Variants in CASZ1 observed in about 807,000 individuals in gnomAD.
CASZ1 encodes zinc finger protein castor homolog 1.
Under a neutral mutation model 135.2 loss-of-function variants are expected in CASZ1, and 28 were observed. The observed-to-expected ratio is 0.21, with a 90% CI of 0.15 to 0.28. The LOEUF is 0.28. Among genes scored for constraint, CASZ1 ranks in the 10% least tolerant of loss-of-function variants. The probability of loss-of-function intolerance (pLI) is 1.00; values close to 1 mark genes in which losing one functional copy is unlikely to be tolerated. For missense variants in CASZ1, 2,161 were observed against 2,453.3 expected, an observed-to-expected ratio of 0.88 and a Z score of 2.52; for synonymous variants, 1,068 against 1,073.4, an observed-to-expected ratio of 0.99 and a Z score of 0.10.
rs1643491881 is a variant in CASZ1, at chr1:10,674,190, C to T, written c.17-8619G>A. Reference sequence around the variant, plus strand: ...AGTGCCTCTTCCTACAGAGTCAGGGCATTGGCCACCATCACCCCTACCTGG... The same window carrying T: ...AGTGCCTCTTCCTACAGAGTCAGGGTATTGGCCACCATCACCCCTACCTGG... On this transcript the variant is annotated intron_variant, in intron 4 of 20. Coordinates refer to ENST00000377022, the MANE Select transcript of CASZ1 (RefSeq NM_001079843.3). Among the ~76,000 whole-genome samples the T allele has an allele frequency of 2.0e-5, 3 of 152,338 alleles. No homozygotes were observed. The South Asian group carries it at 6.2e-4, about 32-fold the overall frequency.
At position 10,660,258 on chromosome 1, in the gene CASZ1, C is replaced by T. The variant is rs756472680; in HGVS notation, c.784G>A (p.Glu262Lys). ...ACCACCTCCTTGCCCACCCGCTCCT[C>T]GGTCTTGGTGCTGGGGGCCGGCCAG... ...LSWPAPSTKT[E>K]ERVGKEVVGT... Residue 262 changes from glutamate (E) to lysine (K), a missense_variant, in exon 6 of 21, where the codon GAG becomes AAG. Physicochemically the swap from Glu to Lys is moderately conservative, Grantham distance 56. Transcript: ENST00000377022. The T allele has an allele frequency of 1.2e-5, 20 of 1,613,596 alleles. No homozygotes were observed. The highest frequency in any genetic ancestry group is 1.2e-4 in the South Asian group (11 of 91,088).
chr1:10,655,898 T>G (rs917106099), intron 8 of CASZ1, 85 bp from the exon 9 acceptor site: 8 of 1,414,740 alleles, frequency 5.7e-6, no homozygotes, highest in Non-Finnish European at 7.9e-6. Flanking sequence ...CTGGGCCAGG[T>G]GCTGGCCTCA....
intron 2 of CASZ1, among the ~76,000 whole-genome samples, chr1:10,716,885 G>C (rs184085010): frequency 7.6e-4 from 116 of 152,340 alleles, no homozygotes; most frequent in Non-Finnish European, 8.2e-4. Flanking sequence ...TACAGAGCGG[G>C]GGTCCCTTTC....
intron 17 of CASZ1, 28 bp from the exon 18 acceptor site, chr1:10,645,116 C>G: frequency 6.2e-7 from 1 of 1,604,146 alleles, no homozygotes; most frequent in South Asian, 1.1e-5. Flanking sequence ...AGGGTCAGGA[C>G]AGGCGGGTGA....
At chr1:10,643,914 C>T (rs562688973) in intron 18 of CASZ1, among the ~76,000 whole-genome samples, 1 of 152,246 alleles carries the variant, frequency 6.6e-6, no homozygotes, top group East Asian at 1.9e-4. Flanking sequence ...CTGCAGAATA[C>T]CCTGACATCT....
chr1:10,680,844 C>T (rs1001361410), intron 4 of CASZ1, among the ~76,000 whole-genome samples: 2 of 152,256 alleles, frequency 1.3e-5, no homozygotes, highest in Admixed American at 6.5e-5. Context: ...ACACTGACTT[C>T]CCGGGTGTTC....
At chr1:10,672,790 A>T (rs1367680542) in intron 4 of CASZ1, among the ~76,000 whole-genome samples, 1 of 152,200 alleles carries the variant, frequency 6.6e-6, no homozygotes, top group Non-Finnish European at 1.5e-5. Context: ...AGTCTCCAGG[A>T]TGTGTGGGTG....
Position 10,676,682 on chromosome 1 carries a change from A to T in CASZ1, c.17-11111T>A, listed in dbSNP as rs541940922. Among the ~76,000 whole-genome samples, 9 of 151,906 alleles carry T rather than the reference A, an allele frequency of 5.9e-5. No individual in the cohort carries two copies. Among genetic ancestry groups the T allele is most frequent in the Non-Finnish European group, 1.3e-4 (9 of 67,958 alleles). On this transcript the variant is annotated intron_variant, in intron 4 of 20. Transcript: ENST00000377022. The surrounding 1 kb of genome is among the most constrained non-coding windows in gnomAD (Gnocchi z 4.5). ...CCCTCGACCAGCCTACAGCTCAGAA[A>T]CGAGCCCCTGGCCCGGGGCGAGCAG...
chr1:10,639,109 C>A lies in CASZ1; in HGVS notation c.5113G>T (p.Asp1705Tyr). 1 of 1,161,678 alleles carries A rather than the reference C, an allele frequency of 8.6e-7. No individual in the cohort carries two copies. The allele number at this position is 1,161,678 out of a possible 1,614,324, so 72.0% of individuals were successfully genotyped here. ...TCGTCGTCGTCGTCCTCGTCGTCGT[C>A]CTCGTCGTCGTCGTCCTCGTCGTCG... ...EDDDEDDDDEDDDEDDDDEDL... is the reference protein window; with the variant it reads ...EDDDEDDDDEYDDEDDDDEDL... Residue 1705 changes from aspartate (D) to tyrosine (Y), a missense_variant, in exon 21 of 21, where the codon GAC becomes TAC. Around this residue, in one of 7 missense-constraint regions of CASZ1, gnomAD observed 185 missense variants for 134.7 expected, o/e 1.37. Coordinates refer to ENST00000377022, the MANE Select transcript of CASZ1 (RefSeq NM_001079843.3). This position sits in a 1 kb window ranked among gnomAD's most constrained non-coding sequence, Gnocchi z 4.0.
rs1643210041 is a variant in CASZ1, at chr1:10,665,585, G to A, written c.17-14C>T. 1.3e-6 allele frequency: 2 copies of A among 1,539,318 alleles called. No homozygotes were observed. Among genetic ancestry groups the A allele is most frequent in the African/African-American group, 1.4e-5 (1 of 73,642 alleles). On this transcript the variant is annotated splice_polypyrimidine_tract_variant and intron_variant, in intron 4 of 20. Coordinates refer to ENST00000377022, the MANE Select transcript of CASZ1 (RefSeq NM_001079843.3). ...GGGTGCCCTCAGCTGCAGGGATGGA[G>A]GAGAGCACGGAGGTCAGAGGCGTGC...
intron 2 of CASZ1, among the ~76,000 whole-genome samples, chr1:10,712,887 C>G (rs955693810): frequency 6.6e-6 from 1 of 152,236 alleles, no homozygotes; most frequent in Non-Finnish European, 1.5e-5. Context: ...GTGCAACAAG[C>G]GCCCCTCTGG....
chr1:10,768,330 G>T (rs997100537), intron 1 of CASZ1, among the ~76,000 whole-genome samples: 2 of 152,148 alleles, frequency 1.3e-5, no homozygotes, highest in Non-Finnish European at 2.9e-5. Flanking sequence ...TGATTCTCCT[G>T]CCTCAGCCTC....
Position 10,697,594 on chromosome 1 carries a change from C to T in CASZ1, c.-23-3682G>A, listed in dbSNP as rs4845842. Among the ~76,000 whole-genome samples, 179 of 151,792 alleles carry T rather than the reference C, an allele frequency of 1.2e-3. 2 individuals carry two copies. In the South Asian group the frequency reaches 0.028, roughly 24 times the overall value. On this transcript the variant is annotated intron_variant, in intron 3 of 20. Coordinates refer to ENST00000377022, the MANE Select transcript of CASZ1 (RefSeq NM_001079843.3). The surrounding 1 kb of genome is among the most constrained non-coding windows in gnomAD (Gnocchi z 4.7). ...CTGCTATCGCTGGTTCCTGTTACCC[C>T]CCCCGCACCCCCAAGTTGCCCACCT... is the stretch of plus-strand genomic sequence containing the variant.
At chr1:10,764,839 G>A (rs1039849914) in intron 1 of CASZ1, among the ~76,000 whole-genome samples, 2 of 152,160 alleles carry the variant, frequency 1.3e-5, no homozygotes, top group African/African-American at 2.4e-5. Flanking sequence ...GGGGGAAAGC[G>A]AGGCCCATGG....
chr1:10,730,103 CTTTATTTA>C (rs143871407), intron 2 of CASZ1, among the ~76,000 whole-genome samples: 1 of 151,348 alleles, frequency 6.6e-6, no homozygotes. Flanking sequence ...GCCATATTCA[CTTTATTTA>C]TTTATTTATT....
chr1:10,674,930 A>G (rs1425829909), intron 4 of CASZ1, among the ~76,000 whole-genome samples: 1 of 152,198 alleles, frequency 6.6e-6, no homozygotes, highest in Non-Finnish European at 1.5e-5. Flanking sequence ...CTGTCGTGGC[A>G]GCAGGGGAGC....
intron 4 of CASZ1, among the ~76,000 whole-genome samples, chr1:10,692,496 G>A (rs1215294537): frequency 3.3e-5 from 5 of 152,186 alleles, no homozygotes; most frequent in Admixed American, 2.0e-4. Context: ...TGGGAGTGGA[G>A]GGCAGGGAGG....
Position 10,758,458 on chromosome 1 carries a change from A to G in CASZ1, c.-77+2243T>C, listed in dbSNP as rs1231930759. ...GTGATTCTCCTGCCTTAGCCTCCCA[A>G]GTAGCTGGGATTACAGGCATGCACC... is the stretch of plus-strand genomic sequence containing the variant. On this transcript the variant is annotated intron_variant, in intron 2 of 20. Transcript: ENST00000377022. Among the ~76,000 whole-genome samples, 3 of 151,832 alleles carry G rather than the reference A, an allele frequency of 2.0e-5. No homozygotes were observed. The East Asian group carries it at 5.8e-4, about 29-fold the overall frequency.
chr1:10,659,521 CTG>C (rs1359724117), intron 6 of CASZ1, among the ~76,000 whole-genome samples, 179 bp downstream of exon 6: 1 of 152,174 alleles, frequency 6.6e-6, no homozygotes, highest in Non-Finnish European at 1.5e-5. Flanking sequence ...CGGCGCGCAC[CTG>C]TGTGTGTGGA....
Sources: allele counts gnomAD v4.1 joint callset (sites outside exome capture counted in the v4.1 genomes callset), GRCh38; gene constraint gnomAD v4.1.1; regional missense constraint gnomAD v4.1.1; non-coding constraint Gnocchi (gnomAD v3.1); transcripts MANE v1.5; gene names NCBI Gene and HGNC (gene_info 2026-07-23, HGNC 2026-07-21).